The following TMEM87A variants were observed in gnomAD, a reference collection of about 807,000 sequenced individuals.
TMEM87A encodes the protein Golgi-pH regulating cation channel.
TMEM87A carries 50 observed loss-of-function variants against 90.0 expected under a neutral mutation model. That is an observed-to-expected ratio of 0.56 (90% CI 0.44 to 0.70). TMEM87A has a LOEUF of 0.70. Among genes scored for constraint, TMEM87A ranks in the 30% least tolerant of loss-of-function variants. TMEM87A has a pLI of 0.00. For missense variants in TMEM87A, 577 were observed against 660.5 expected, an observed-to-expected ratio of 0.87 and a Z score of 1.39; for synonymous variants, 226 against 226.7, an observed-to-expected ratio of 1.00 and a Z score of 0.03.
intron 15 of TMEM87A, among the ~76,000 whole-genome samples, chr15:42,223,021 A>G (rs1712397): frequency 0.94 from 142,813 of 152,312 alleles, 67,421 homozygotes; most frequent in Non-Finnish European, 1. Context: ...CATAAAAATC[A>G]TAAGATTATT....
rs2051549870 is a variant in TMEM87A, at chr15:42,272,256, C to A, written c.145-133G>T. 7.3e-6 allele frequency: 4 copies of A among 544,316 alleles called. No individual in the cohort carries two copies. The South Asian group carries it at 9.3e-5, about 13-fold the overall frequency. The allele number at this position is 544,316 out of a possible 1,614,324, so 33.7% of individuals were successfully genotyped here. A position where few individuals can be genotyped will look rare whatever the true frequency, so the allele number is the denominator to read the frequency against. ...GGACGTACCCCTTAATCAGTTCATTCCCTTTACTCACCAATCACTGCTCAG... is the reference window on the plus strand; with the variant it reads ...GGACGTACCCCTTAATCAGTTCATTACCTTTACTCACCAATCACTGCTCAG... On this transcript the variant is annotated intron_variant, in intron 1 of 19. Transcript: ENST00000389834.
chr15:42,216,385 C>T (rs1321542292), intron 19 of TMEM87A, among the ~76,000 whole-genome samples: 1 of 151,488 alleles, frequency 6.6e-6, no homozygotes, highest in Non-Finnish European at 1.5e-5. Flanking sequence ...GTTATGTTTT[C>T]TTACCACAAA....
At chr15:42,212,819 G>C (rs2050315100) in intron 19 of TMEM87A, among the ~76,000 whole-genome samples, 1 of 152,136 alleles carries the variant, frequency 6.6e-6, no homozygotes, top group African/African-American at 2.4e-5. Flanking sequence ...ATGCCATTTT[G>C]ATTCCTGGTC....
At chr15:42,217,309 A>G (rs1234686953) in intron 19 of TMEM87A, among the ~76,000 whole-genome samples, 1 of 152,210 alleles carries the variant, frequency 6.6e-6, no homozygotes, top group Admixed American at 6.5e-5. Flanking sequence ...GTATGGAGGC[A>G]AACTAAAAGA....
At chr15:42,222,995 GTA>G (rs1365869308) in intron 15 of TMEM87A, among the ~76,000 whole-genome samples, 1 of 152,164 alleles carries the variant, frequency 6.6e-6, no homozygotes, top group Admixed American at 6.5e-5. Flanking sequence ...CTGAGATTTT[GTA>G]TGATTAAAAA....
At chr15:42,227,861 C>T in intron 13 of TMEM87A, 92 bp from the exon 14 acceptor site, 5 of 1,086,204 alleles carry the variant, frequency 4.6e-6, no homozygotes, top group Admixed American at 1.8e-5. Context: ...GAATCCCACA[C>T]ACCCCGAACC....
At chr15:42,222,757 A>G (rs937442275) in intron 15 of TMEM87A, among the ~76,000 whole-genome samples, 1 of 150,138 alleles carries the variant, frequency 6.7e-6, no homozygotes, top group Non-Finnish European at 1.5e-5. Context: ...ATGAGGTTTC[A>G]TCATGTTGGT....
chr15:42,222,416 A>T (rs1281121667), intron 15 of TMEM87A, among the ~76,000 whole-genome samples: 1 of 152,104 alleles, frequency 6.6e-6, no homozygotes, highest in Non-Finnish European at 1.5e-5. Flanking sequence ...TATAAATATG[A>T]TTAGGGGTTC....
At chr15:42,248,724 G>T (rs1217284193) in intron 6 of TMEM87A, among the ~76,000 whole-genome samples, 2 of 152,142 alleles carry the variant, frequency 1.3e-5, no homozygotes, top group African/African-American at 4.8e-5. Flanking sequence ...TGTTCATCGG[G>T]GATAGTGGTC....
intron 7 of TMEM87A, among the ~76,000 whole-genome samples, chr15:42,242,797 T>C (rs2050896441): frequency 6.6e-6 from 1 of 152,098 alleles, no homozygotes; most frequent in Non-Finnish European, 1.5e-5. Flanking sequence ...AAGGAAACTA[T>C]TCTCATTAAA....
At chr15:42,271,970 T>C (rs2051539445) in intron 2 of TMEM87A, 93 bp downstream of exon 2, 8 of 1,047,480 alleles carry the variant, frequency 7.6e-6, no homozygotes, top group Non-Finnish European at 1.1e-5. Context: ...TGCCAGACTA[T>C]TAGATTTCAG....
chr15:42,259,512 A>G (rs1477233567), intron 6 of TMEM87A, among the ~76,000 whole-genome samples: 1 of 152,154 alleles, frequency 6.6e-6, no homozygotes, highest in African/African-American at 2.4e-5. Context: ...AGTGTCAACA[A>G]CCCTGTACTC....
chr15:42,242,873 G>A (rs1317276408), intron 7 of TMEM87A, among the ~76,000 whole-genome samples: 1 of 152,090 alleles, frequency 6.6e-6, no homozygotes, highest in Admixed American at 6.6e-5. Flanking sequence ...AGTAAACACA[G>A]TACTTAATGG....
At chr15:42,245,229 GA>G (rs2050949789) in intron 6 of TMEM87A, among the ~76,000 whole-genome samples, 1 of 152,096 alleles carries the variant, frequency 6.6e-6, no homozygotes, top group Non-Finnish European at 1.5e-5. Context: ...CAATTTGTGA[GA>G]AAACTTTGCA....
At chr15:42,243,903 TACTA>T in intron 7 of TMEM87A, 143 bp downstream of exon 7, 2 of 476,988 alleles carry the variant, frequency 4.2e-6, no homozygotes, top group Non-Finnish European at 7.3e-6. Flanking sequence ...GAAAACATGT[TACTA>T]ACTAAAAATT....
chr15:42,214,462 C>T (rs966173589), intron 19 of TMEM87A, among the ~76,000 whole-genome samples: 1 of 152,028 alleles, frequency 6.6e-6, no homozygotes, highest in Non-Finnish European at 1.5e-5. Context: ...TTTAACGGCA[C>T]GTTGAAAGAA....
intron 6 of TMEM87A, among the ~76,000 whole-genome samples, chr15:42,260,715 T>G (rs1483986240): frequency 6.6e-6 from 1 of 152,198 alleles, no homozygotes; most frequent in South Asian, 2.1e-4. Context: ...TACAGATATT[T>G]ATGGGGGGAT....
intron 6 of TMEM87A, among the ~76,000 whole-genome samples, chr15:42,253,406 TC>T (rs2051120777): frequency 6.6e-6 from 1 of 152,146 alleles, no homozygotes; most frequent in African/African-American, 2.4e-5. Flanking sequence ...CCCACTGTTA[TC>T]CCCTTCCCTA....
At chr15:42,270,373 AAAC>A (rs2051496227) in intron 2 of TMEM87A, among the ~76,000 whole-genome samples, 2 of 152,126 alleles carry the variant, frequency 1.3e-5, no homozygotes, top group African/African-American at 2.4e-5. Context: ...CCGTCTCAAA[AAAC>A]AACAACAAAA....
Sources: allele counts gnomAD v4.1 joint callset (sites outside exome capture counted in the v4.1 genomes callset), GRCh38; gene constraint gnomAD v4.1.1; transcripts MANE v1.5; gene names NCBI Gene and HGNC (gene_info 2026-07-23, HGNC 2026-07-21).